The following DCLK1 variants were observed in gnomAD, a reference collection of about 807,000 sequenced individuals.
DCLK1 encodes the protein serine/threonine-protein kinase DCLK1.
Under a neutral mutation model 86.2 loss-of-function variants are expected in DCLK1, and 16 were observed. The observed-to-expected ratio is 0.19, with a 90% confidence interval of 0.13 to 0.28. DCLK1 has a LOEUF of 0.28. DCLK1 is among the 10% of genes least tolerant of loss of function. The pLI is 1.00. For synonymous variants in DCLK1, 369 were observed against 370.5 expected, an observed-to-expected ratio of 1.00 and a Z score of 0.05; for missense variants, 590 against 940.2, an observed-to-expected ratio of 0.63 and a Z score of 4.87.
intron 8 of DCLK1, among the ~76,000 whole-genome samples, chr13:35,828,556 T>A (rs1179521662): frequency 6.6e-6 from 1 of 152,178 alleles, no homozygotes; most frequent in African/African-American, 2.4e-5. Context: ...GTACTTGTAA[T>A]AAAAACACTA....
chr13:35,848,196 T>C (rs1351219458), intron 6 of DCLK1: 1 of 985,182 alleles, frequency 1.0e-6, no homozygotes, highest in East Asian at 1.1e-4. Context: ...AGTAGAACAA[T>C]TTAAAAATTC....
intron 4 of DCLK1, among the ~76,000 whole-genome samples, chr13:35,939,300 G>A (rs898865489): frequency 6.6e-6 from 1 of 152,086 alleles, no homozygotes; most frequent in Non-Finnish European, 1.5e-5. Context: ...CAATGCAATC[G>A]GGAATGATCA....
At chr13:35,999,605 T>C (rs965976272) in intron 3 of DCLK1, among the ~76,000 whole-genome samples, 7 of 152,174 alleles carry the variant, frequency 4.6e-5, no homozygotes, top group Non-Finnish European at 8.8e-5. Context: ...AGACAGACTC[T>C]TTCTCCTGAG....
At chr13:35,807,294 AT>A (rs1484361382) in intron 14 of DCLK1, among the ~76,000 whole-genome samples, 1 of 152,218 alleles carries the variant, frequency 6.6e-6, no homozygotes, top group Non-Finnish European at 1.5e-5. Context: ...CATTCAGTGC[AT>A]TCACATTGTT....
intron 15 of DCLK1, among the ~76,000 whole-genome samples, chr13:35,800,609 T>C (rs1280762532): frequency 6.6e-6 from 1 of 152,238 alleles, no homozygotes; most frequent in Non-Finnish European, 1.5e-5. Flanking sequence ...AGGAAGCTCC[T>C]GGATGAGGTT....
At chr13:35,988,202 C>A (rs1880039584) in intron 3 of DCLK1, among the ~76,000 whole-genome samples, 1 of 152,252 alleles carries the variant, frequency 6.6e-6, no homozygotes. Context: ...CCGCCGCACC[C>A]ACTGCCAGGC....
intron 13 of DCLK1, among the ~76,000 whole-genome samples, 172 bp downstream of exon 13, chr13:35,808,846 A>C (rs1380450160): frequency 6.6e-6 from 1 of 152,174 alleles, no homozygotes; most frequent in African/African-American, 2.4e-5. Context: ...GAAATATGGA[A>C]GGCATATAAA....
intron 4 of DCLK1, among the ~76,000 whole-genome samples, chr13:35,895,837 G>A (rs1873936939): frequency 6.6e-6 from 1 of 151,524 alleles, no homozygotes; most frequent in Non-Finnish European, 1.5e-5. Context: ...TTCAGTGAAA[G>A]TAAAATGAAT....
intron 3 of DCLK1, among the ~76,000 whole-genome samples, chr13:36,045,091 C>T (rs971355959): frequency 6.6e-6 from 1 of 150,518 alleles, no homozygotes; most frequent in African/African-American, 2.4e-5. Context: ...TGACTTTTTT[C>T]AAAATTATAC....
chr13:35,834,380 C>T (rs951060916), intron 8 of DCLK1, among the ~76,000 whole-genome samples: 2 of 152,112 alleles, frequency 1.3e-5, no homozygotes, highest in Non-Finnish European at 2.9e-5. Context: ...TTATGGGAGG[C>T]TCCTTATTAG....
chr13:35,905,683 C>T (rs893012012), intron 4 of DCLK1, among the ~76,000 whole-genome samples: 3 of 152,136 alleles, frequency 2.0e-5, no homozygotes, highest in Admixed American at 1.3e-4. Flanking sequence ...TGGTGGCTCA[C>T]GCCTGTATTC....
chr13:35,828,714 T>C (rs1350149443), intron 8 of DCLK1, among the ~76,000 whole-genome samples: 1 of 152,144 alleles, frequency 6.6e-6, no homozygotes, highest in Non-Finnish European at 1.5e-5. Flanking sequence ...TCTTAGCTTC[T>C]CCTGCTGCCA....
At chr13:35,914,452 C>T (rs1875287341) in intron 4 of DCLK1, among the ~76,000 whole-genome samples, 1 of 149,346 alleles carries the variant, frequency 6.7e-6, no homozygotes, top group Non-Finnish European at 1.5e-5. Context: ...CACAGTGGCT[C>T]ATGCCTGGAA....
At chr13:36,125,592 T>G (rs141899888) in intron 2 of DCLK1, among the ~76,000 whole-genome samples, 170 bp downstream of exon 2, 1 of 152,362 alleles carries the variant, frequency 6.6e-6, no homozygotes, top group East Asian at 1.9e-4. Context: ...CCATTAATTT[T>G]TTTTCCTTTT....
intron 5 of DCLK1, among the ~76,000 whole-genome samples, chr13:35,867,965 G>GAAAGAAAGAAAGAAAGAA (rs1380990336): frequency 9.1e-5 from 13 of 142,916 alleles, no homozygotes; most frequent in Admixed American, 3.5e-4. Context: ...AAGAAAGAAA[G>GAAAGAAAGAAAGAAAGAA]AGAAAAAGAA....
At chr13:36,002,599 G>C (rs1003410864) in intron 3 of DCLK1, among the ~76,000 whole-genome samples, 1 of 152,146 alleles carries the variant, frequency 6.6e-6, no homozygotes. Context: ...TTGGGACACA[G>C]AGAGAAGCTC....
chr13:36,075,548 A>C (rs564842067), intron 3 of DCLK1, among the ~76,000 whole-genome samples: 1 of 152,218 alleles, frequency 6.6e-6, no homozygotes, highest in Admixed American at 6.5e-5. Context: ...TTTCTATGAA[A>C]AATTTCTCTC....
chr13:36,048,569 A>G (rs897195040), intron 3 of DCLK1, among the ~76,000 whole-genome samples: 1 of 152,178 alleles, frequency 6.6e-6, no homozygotes, highest in Admixed American at 6.5e-5. Flanking sequence ...CATTTGGCAG[A>G]CTGTCTCACT....
chr13:35,793,138 T>C (rs78530886), intron 16 of DCLK1, among the ~76,000 whole-genome samples: 6,512 of 152,232 alleles, frequency 0.043, 496 homozygotes, highest in African/African-American at 0.15. Context: ...TAATATATAC[T>C]GCAAGACACC....
Sources: gnomAD v4.1 joint callset for allele counts (sites outside exome capture counted in the v4.1 genomes callset) on GRCh38, gnomAD v4.1.1 for gene constraint, MANE v1.5 for transcripts, NCBI Gene and HGNC (gene_info 2026-07-23, HGNC 2026-07-21) for gene names.